Variants in KIAA1217 observed in about 807,000 individuals in gnomAD.
The protein encoded by KIAA1217 is KIAA1217.
A neutral mutation model predicts 163.9 loss-of-function variants in KIAA1217; 88 were observed. The observed-to-expected ratio is 0.54, with a 90% confidence interval of 0.45 to 0.64. KIAA1217 has a LOEUF of 0.64. Among genes scored for constraint, KIAA1217 ranks in the 30% least tolerant of loss-of-function variants. The pLI is 0.00. For missense variants in KIAA1217, 2,372 were observed against 2,475.0 expected (o/e 0.96, Z 0.88); for synonymous variants, 903 against 923.1 (o/e 0.98, Z 0.39).
chr10:24,524,188 T>G, intron 12 of KIAA1217, 135 bp from the exon 13 acceptor site: 2 of 801,616 alleles, frequency 2.5e-6, no homozygotes, highest in South Asian at 1.7e-5. Context: ...GATATGTCTA[T>G]ACATGTCCCT....
At chr10:24,133,087 A>T (rs2063712475) in intron 2 of KIAA1217, among the ~76,000 whole-genome samples, 1 of 151,900 alleles carries the variant, frequency 6.6e-6, no homozygotes, top group Non-Finnish European at 1.5e-5. Context: ...AAAAAAATGG[A>T]ACCTCAGGAG....
In KIAA1217 at chr10:24,369,576, C is replaced by G. The variant is rs1453908743; in HGVS notation, c.355-11293C>G. ...ATTCCGTGGCTTGGGATCCCACATC[C>G]TCTCCATAAAGCACTGAAGCCTAGG... On this transcript the variant is annotated intron_variant, in intron 2 of 20. Transcript: ENST00000376454. Among the ~76,000 whole-genome samples the G allele has an allele frequency of 4.6e-5, 7 of 152,248 alleles. No homozygotes were observed. The East Asian group carries it at 1.4e-3, about 29-fold the overall frequency.
At chr10:24,380,830 T>TA (rs2053202245) in intron 2 of KIAA1217, 39 bp from the exon 3 acceptor site, 1 of 1,396,740 alleles carries the variant, frequency 7.2e-7, no homozygotes, top group Admixed American at 2.5e-5. Flanking sequence ...CGATTAATAA[T>TA]AGTCTATTTT....
At chr10:24,081,106 G>A (rs1232355708) in intron 2 of KIAA1217, among the ~76,000 whole-genome samples, 1 of 152,154 alleles carries the variant, frequency 6.6e-6, no homozygotes, top group African/African-American at 2.4e-5. Context: ...CTGCATGTTT[G>A]ATAATGCTGT....
chr10:24,334,271 G>A (rs1053222601), intron 2 of KIAA1217, among the ~76,000 whole-genome samples: 4 of 152,112 alleles, frequency 2.6e-5, no homozygotes, highest in Admixed American at 6.6e-5. Flanking sequence ...TGGGCATGGC[G>A]GAGCATGCCT....
chr10:24,476,762 G>C (rs2064089205), intron 6 of KIAA1217, among the ~76,000 whole-genome samples: 1 of 151,994 alleles, frequency 6.6e-6, no homozygotes, highest in South Asian at 2.1e-4. Flanking sequence ...GAATGCTTGG[G>C]TATATGTGGG....
chr10:24,497,151 A>G (rs544607629), intron 8 of KIAA1217, among the ~76,000 whole-genome samples: 1 of 152,338 alleles, frequency 6.6e-6, no homozygotes, highest in Admixed American at 6.5e-5. Context: ...CTACAAGACA[A>G]GTATTATCCC....
chr10:23,832,880 G>A (rs954292944), intron 1 of KIAA1217, among the ~76,000 whole-genome samples: 1 of 152,076 alleles, frequency 6.6e-6, no homozygotes, highest in African/African-American at 2.4e-5. Context: ...GCGAAAGGAA[G>A]ATAAAAGAAG....
intron 1 of KIAA1217, among the ~76,000 whole-genome samples, chr10:23,861,950 T>C (rs1159162340): frequency 2.6e-5 from 4 of 152,178 alleles, no homozygotes; most frequent in African/African-American, 4.8e-5. Context: ...GCTGCTAAAT[T>C]TGTGGCAATT....
At chr10:23,718,389 T>G (rs1588656188) in intron 1 of KIAA1217, among the ~76,000 whole-genome samples, 1 of 152,344 alleles carries the variant, frequency 6.6e-6, no homozygotes, top group East Asian at 1.9e-4. Context: ...GCCATTTGTT[T>G]ATTAAGCAAA....
At chr10:24,187,736 C>A (rs193115604) in intron 2 of KIAA1217, among the ~76,000 whole-genome samples, 4 of 151,672 alleles carry the variant, frequency 2.6e-5, no homozygotes, top group Non-Finnish European at 5.9e-5. Flanking sequence ...ACTAAAAAAA[C>A]GAAATTAGCC....
At chr10:24,357,493 A>G (rs1157972344) in intron 2 of KIAA1217, among the ~76,000 whole-genome samples, 1 of 152,178 alleles carries the variant, frequency 6.6e-6, no homozygotes. Context: ...GTTAACTGGC[A>G]CCTGCTATGC....
chr10:24,384,037 G>T (rs1471937826), intron 3 of KIAA1217, among the ~76,000 whole-genome samples: 1 of 152,174 alleles, frequency 6.6e-6, no homozygotes, highest in Non-Finnish European at 1.5e-5. Flanking sequence ...CCGGCCATGA[G>T]CAGGGTGTCT....
At chr10:24,066,627 T>C (rs2060959192) in intron 2 of KIAA1217, among the ~76,000 whole-genome samples, 1 of 152,144 alleles carries the variant, frequency 6.6e-6, no homozygotes, top group African/African-American at 2.4e-5. Flanking sequence ...TGTCTTGGAG[T>C]TGCTCTTCTC....
At chr10:23,809,119 C>T (rs1836869546) in intron 1 of KIAA1217, among the ~76,000 whole-genome samples, 1 of 151,996 alleles carries the variant, frequency 6.6e-6, no homozygotes, top group African/African-American at 2.4e-5. Context: ...GTATTTACAA[C>T]TCTGAATTCA....
intron 8 of KIAA1217, among the ~76,000 whole-genome samples, chr10:24,498,799 C>A (rs1042430844): frequency 1.3e-5 from 2 of 152,108 alleles, no homozygotes; most frequent in African/African-American, 4.8e-5. Flanking sequence ...AGTGACAGAG[C>A]GAAACCATGT....
At chr10:24,170,125 TATTAA>T (rs1223515438) in intron 2 of KIAA1217, among the ~76,000 whole-genome samples, 1 of 152,208 alleles carries the variant, frequency 6.6e-6, no homozygotes, top group Non-Finnish European at 1.5e-5. Context: ...CAAAAACTCA[TATTAA>T]ATTAAGAGTA....
chr10:23,702,132 G>T (rs1156599448), intron 1 of KIAA1217, among the ~76,000 whole-genome samples: 1 of 152,062 alleles, frequency 6.6e-6, no homozygotes, highest in Non-Finnish European at 1.5e-5. Flanking sequence ...GCAAAAATGG[G>T]GCCAACAACC....
intron 2 of KIAA1217, among the ~76,000 whole-genome samples, chr10:24,283,307 G>C (rs999423918): frequency 2.6e-5 from 4 of 152,072 alleles, no homozygotes; most frequent in Admixed American, 2.0e-4. Flanking sequence ...TCTTCCACTT[G>C]GCAATATGCA....
Sources: allele counts gnomAD v4.1 joint callset (sites outside exome capture counted in the v4.1 genomes callset), GRCh38; gene constraint gnomAD v4.1.1; transcripts MANE v1.5; gene names NCBI Gene and HGNC (gene_info 2026-07-23, HGNC 2026-07-21).